Variants in GRIN3A observed in about 807,000 individuals in gnomAD.
GRIN3A encodes glutamate receptor ionotropic, NMDA 3A.
Under a neutral mutation model 92.4 loss-of-function variants are expected in GRIN3A, and 47 were observed. That is an observed-to-expected ratio of 0.51 (90% CI 0.40 to 0.65). The LOEUF (loss-of-function observed/expected upper bound fraction) is 0.65. Ranked by LOEUF, GRIN3A falls within the 30% of genes least tolerant of loss-of-function variation. The pLI is 0.00. For synonymous variants in GRIN3A, 527 were observed against 540.6 expected (o/e 0.97, Z 0.35); for missense variants, 1,324 against 1,393.1 (o/e 0.95, Z 0.79).
intron 3 of GRIN3A, among the ~76,000 whole-genome samples, chr9:101,635,345 T>C (rs547635079): frequency 6.6e-6 from 1 of 152,328 alleles, no homozygotes; most frequent in African/African-American, 2.4e-5. Flanking sequence ...CATTCATTTA[T>C]GTATTGTCTA....
rs547921780 is a variant in GRIN3A, at chr9:101,710,104, T to C, written c.700-22904A>G. On this transcript the variant is annotated intron_variant, in intron 1 of 8. Coordinates refer to ENST00000361820, the MANE Select transcript of GRIN3A (RefSeq NM_133445.3). Reference sequence around the variant, plus strand: ...GTCCGGGAGAAGAAAATACAGAGATTAGATTTGAAGTATGGACAGTATCAG... The same window carrying C: ...GTCCGGGAGAAGAAAATACAGAGATCAGATTTGAAGTATGGACAGTATCAG... Among the ~76,000 whole-genome samples the C allele has an allele frequency of 2.0e-5, 3 of 152,252 alleles. No homozygotes were observed. The East Asian group carries it at 5.8e-4, about 29-fold the overall frequency.
At chr9:101,650,578 C>G (rs1431822722) in intron 3 of GRIN3A, among the ~76,000 whole-genome samples, 1 of 152,030 alleles carries the variant, frequency 6.6e-6, no homozygotes, top group East Asian at 1.9e-4. Context: ...ACCAGGTCAA[C>G]CAAACCTGGC....
At chr9:101,628,228 T>G (rs770769922) in intron 4 of GRIN3A, 28 bp downstream of exon 4, 7 of 1,613,082 alleles carry the variant, frequency 4.3e-6, no homozygotes, top group Non-Finnish European at 5.1e-6. Context: ...TGAGAATTTT[T>G]CTTTGGATCC....
At chr9:101,683,678 A>G (rs1829491299) in intron 2 of GRIN3A, among the ~76,000 whole-genome samples, 1 of 152,208 alleles carries the variant, frequency 6.6e-6, no homozygotes, top group Non-Finnish European at 1.5e-5. Context: ...TTTCTCAAAC[A>G]CATTCATCAT....
intron 8 of GRIN3A, among the ~76,000 whole-genome samples, chr9:101,576,445 A>G (rs1827828692): frequency 6.6e-6 from 1 of 152,224 alleles, no homozygotes; most frequent in East Asian, 1.9e-4. Context: ...CTGCCAAGAA[A>G]ACTGGGTAAG....
chr9:101,674,153 G>T (rs1829363081), intron 2 of GRIN3A, among the ~76,000 whole-genome samples: 1 of 152,018 alleles, frequency 6.6e-6, no homozygotes, highest in Non-Finnish European at 1.5e-5. Context: ...GGGAGATGAG[G>T]ATAGGAAATG....
intron 3 of GRIN3A, among the ~76,000 whole-genome samples, chr9:101,632,919 A>G (rs189931253): frequency 2.6e-5 from 4 of 152,254 alleles, no homozygotes; most frequent in Non-Finnish European, 4.4e-5. Flanking sequence ...AGTTTCAGCT[A>G]AATACCTCAC....
At chr9:101,635,409 T>G (rs754469129) in intron 3 of GRIN3A, among the ~76,000 whole-genome samples, 1 of 152,208 alleles carries the variant, frequency 6.6e-6, no homozygotes, top group Admixed American at 6.5e-5. Flanking sequence ...AGAAAACATA[T>G]GGCCCACAAA....
In GRIN3A at chr9:101,732,983, G is replaced by C. The variant is rs749886440; in HGVS notation, c.699+4298C>G. 1.3e-5 allele frequency among the ~76,000 whole-genome samples: 2 copies of C among 152,096 alleles called. 1 individual carries two copies. The highest frequency in any genetic ancestry group is 1.3e-4 in the Admixed American group (2 of 15,272). Reference sequence around the variant, plus strand: ...ACATTTTGGCCACTATTTCATATGCGTTTCATTACATTGTGCTCTTTTAAC... The same window carrying C: ...ACATTTTGGCCACTATTTCATATGCCTTTCATTACATTGTGCTCTTTTAAC... On this transcript the variant is annotated intron_variant, in intron 1 of 8. Transcript: ENST00000361820.
At chr9:101,690,870 A>G (rs1213179262) in intron 1 of GRIN3A, among the ~76,000 whole-genome samples, 2 of 152,170 alleles carry the variant, frequency 1.3e-5, no homozygotes, top group African/African-American at 4.8e-5. Flanking sequence ...GAGAAAATAG[A>G]TTAGTTAGAA....
At position 101,588,445 on chromosome 9, in the gene GRIN3A, A is replaced by T. The variant is rs77238415; in HGVS notation, c.2767-9085T>A. On this transcript the variant is annotated intron_variant, in intron 6 of 8. Coordinates refer to ENST00000361820, the MANE Select transcript of GRIN3A (RefSeq NM_133445.3). ...TGGCACTGCCCATGTTGCTGTGAAG[A>T]TGCTTCTCTCTCCCTGTTTCTTGGG... 2.6e-4 allele frequency among the ~76,000 whole-genome samples: 40 copies of T among 152,190 alleles called. 1 individual carries two copies. In the East Asian group the frequency reaches 7.2e-3, roughly 27 times the overall value.
At chr9:101,697,909 G>T (rs1019565273) in intron 1 of GRIN3A, among the ~76,000 whole-genome samples, 1 of 152,054 alleles carries the variant, frequency 6.6e-6, no homozygotes, top group South Asian at 2.1e-4. Flanking sequence ...GATACTTGTG[G>T]TTAATTTTAC....
rs557205327 is a variant in GRIN3A, at chr9:101,591,277, A to G, written c.2767-11917T>C. ...GGAGGCTGCTTGTTCTTTGACAAGC[A>G]ATTTACCTCTTTGGGCTTCAGTTTC... On this transcript the variant is annotated intron_variant, in intron 6 of 8. Transcript: ENST00000361820. Among the ~76,000 whole-genome samples the G allele has an allele frequency of 9.2e-5, 14 of 152,362 alleles. No individual in the cohort carries two copies. The East Asian group carries it at 2.3e-3, about 25-fold the overall frequency.
intron 1 of GRIN3A, among the ~76,000 whole-genome samples, chr9:101,698,831 G>A (rs890585188): frequency 2.0e-5 from 3 of 151,952 alleles, no homozygotes; most frequent in Non-Finnish European, 4.4e-5. Flanking sequence ...ACCACGCCTG[G>A]CTAATTTCTT....
intron 5 of GRIN3A, among the ~76,000 whole-genome samples, chr9:101,615,558 G>A (rs1367084494): frequency 6.9e-6 from 1 of 144,966 alleles, no homozygotes; most frequent in Non-Finnish European, 1.5e-5. Flanking sequence ...GGGTTTCACC[G>A]TGTTAGCCAG....
chr9:101,673,285 C>T, intron 2 of GRIN3A, among the ~76,000 whole-genome samples: 1 of 152,158 alleles, frequency 6.6e-6, no homozygotes, highest in African/African-American at 2.4e-5. Flanking sequence ...TCCAGTAAAA[C>T]CTATTACTGA....
chr9:101,573,346 C>G lies in GRIN3A; in HGVS notation c.3176G>C (p.Arg1059Pro), dbSNP rs199945164. 4.3e-6 allele frequency: 7 copies of G among 1,614,000 alleles called. No homozygotes were observed. The highest frequency in any genetic ancestry group is 4.2e-6 in the Non-Finnish European group (5 of 1,179,984). ...PPRRRELPALRTTNGKADSLN... is the reference protein window; with the variant it reads ...PPRRRELPALPTTNGKADSLN... The stretch of plus-strand genomic sequence containing the variant: ...GGAGTCTGCTTTCCCATTGGTGGTC[C>G]GCAAGGCAGGGAGCTCTCTTCTCCT... The change falls in exon 9 of 9, where the codon CGG becomes CCG. Residue 1059 changes from arginine to proline, a missense_variant. Arg to Pro is a moderately radical substitution (Grantham distance 103). Coordinates refer to ENST00000361820, the MANE Select transcript of GRIN3A (RefSeq NM_133445.3).
At chr9:101,619,079 G>C (rs1443771116) in intron 5 of GRIN3A, among the ~76,000 whole-genome samples, 14 of 152,198 alleles carry the variant, frequency 9.2e-5, no homozygotes. Context: ...ATTAAGCTAA[G>C]AGTGGTGGAA....
At chr9:101,650,554 G>A (rs771078715) in intron 3 of GRIN3A, among the ~76,000 whole-genome samples, 6 of 152,144 alleles carry the variant, frequency 3.9e-5, no homozygotes, top group Non-Finnish European at 7.4e-5. Context: ...CCCAAAATAG[G>A]TAAGTAAGTT....
Sources: allele counts gnomAD v4.1 joint callset (sites outside exome capture counted in the v4.1 genomes callset), GRCh38; gene constraint gnomAD v4.1.1; transcripts MANE v1.5; gene names NCBI Gene and HGNC (gene_info 2026-07-23, HGNC 2026-07-21).